Variants in HGF observed in about 807,000 individuals in gnomAD.
HGF encodes fibroblast-derived tumor cytotoxic factor.
In HGF, 39 loss-of-function variants were observed where a neutral mutation model predicts 111.6. The ratio of observed to expected loss-of-function variants is 0.35; its 90% confidence interval spans 0.27 to 0.46. The LOEUF is 0.46. Ranked by LOEUF, HGF falls within the 20% of genes least tolerant of loss-of-function variation. The pLI, the probability that HGF is intolerant of heterozygous loss-of-function variation, is 1.00. For missense variants in HGF, 735 were observed against 910.5 expected (o/e 0.81, Z 2.48); for synonymous variants, 285 against 294.8 (o/e 0.97, Z 0.34).
chr7:81,702,472 A>C lies in HGF; in HGVS notation c.*109T>G. 1 of 859,688 alleles carries C rather than the reference A, an allele frequency of 1.2e-6. No homozygotes were observed. The highest frequency in any genetic ancestry group is 1.5e-5 in the South Asian group (1 of 67,076). The allele number at this position is 859,688 out of a possible 1,614,324, so 53.3% of individuals were successfully genotyped here. A position where few individuals can be genotyped will look rare whatever the true frequency, so the allele number is the denominator to read the frequency against. On this transcript the variant is annotated 3_prime_UTR_variant, in exon 18 of 18. Coordinates refer to ENST00000222390, the MANE Select transcript of HGF (RefSeq NM_000601.6). ...AGAATTTCAACAAACATGACTCTCCAGTAGTTGTCTTAGGATTGTTGTAAG... is the reference window on the plus strand; with the variant it reads ...AGAATTTCAACAAACATGACTCTCCCGTAGTTGTCTTAGGATTGTTGTAAG...
chr7:81,708,018 AT>A (rs1252646764), intron 13 of HGF, among the ~76,000 whole-genome samples: 4 of 152,214 alleles, frequency 2.6e-5, no homozygotes, highest in South Asian at 4.2e-4. Flanking sequence ...GTACTAGTAC[AT>A]TTTTTTGATG....
intron 7 of HGF, among the ~76,000 whole-genome samples, chr7:81,734,825 A>T (rs539578751): frequency 3.0e-4 from 45 of 152,072 alleles, no homozygotes; most frequent in African/African-American, 7.2e-4. Context: ...TTTTCACCAA[A>T]CCCACCCTGC....
chr7:81,706,384 G>A lies in HGF; in HGVS notation c.1660C>T (p.His554Tyr), dbSNP rs1191327779. ...YEAWLGIHDV[H>Y]GRGDEKCKQV... is the part of the protein sequence containing the mutation. Reference sequence around the variant, plus strand: ...TTGCATTTCTCATCTCCTCTTCCGTGGACATCATGAATTCCAAGCCAAGCT... The same window carrying A: ...TTGCATTTCTCATCTCCTCTTCCGTAGACATCATGAATTCCAAGCCAAGCT... The change falls in exon 15 of 18, where the codon CAC becomes TAC. Residue 554 changes from histidine (H) to tyrosine (Y), a missense_variant. This residue lies in a region of HGF where 130 missense variants were observed against 129.9 expected (regional missense o/e 1.00). Coordinates refer to ENST00000222390, the MANE Select transcript of HGF (RefSeq NM_000601.6). 1 of 1,611,916 alleles carries A rather than the reference G, an allele frequency of 6.2e-7. No individual in the cohort carries two copies. Among genetic ancestry groups the A allele is most frequent in the South Asian group, 1.1e-5 (1 of 91,030 alleles).
rs759442724 is a variant in HGF at position 81,762,812 on chromosome 7, A to G, written c.149T>C (p.Leu50Pro). Residue 50 changes from leucine (L) to proline (P), a missense_variant, in exon 2 of 18, where the codon CTA becomes CCA. Around this residue, in one of 3 missense-constraint regions of HGF, gnomAD observed 553 missense variants for 685.6 expected, o/e 0.81. Coordinates refer to ENST00000222390, the MANE Select transcript of HGF (RefSeq NM_000601.6). ...CTTCAGTGCTGGATCTATTTTGATT[A>G]GGGTAGTCTTTGCTGATTTTTTGAA... ...HEFKKSAKTT[L>P]IKIDPALKIK... The G allele has an allele frequency of 6.2e-7, 1 of 1,601,684 alleles. No individual in the cohort carries two copies. The highest frequency in any genetic ancestry group is 1.1e-5 in the South Asian group (1 of 90,798).
rs926214806 is a variant in HGF at position 81,702,134 on chromosome 7, G to A, written c.*447C>T. 1.8e-5 allele frequency: 4 copies of A among 223,534 alleles called. No homozygotes were observed. Among genetic ancestry groups the A allele is most frequent in the African/African-American group, 6.8e-5 (3 of 44,182 alleles). The allele number at this position is 223,534 out of a possible 1,614,324, so 13.8% of individuals were successfully genotyped here. A position where few individuals can be genotyped will look rare whatever the true frequency, so the allele number is the denominator to read the frequency against. On this transcript the variant is annotated 3_prime_UTR_variant, in exon 18 of 18. Coordinates refer to ENST00000222390, the MANE Select transcript of HGF (RefSeq NM_000601.6). Reference sequence around the variant, plus strand: ...AACTATAACATATAGCATATGAAATGTAATATAATTTAATATAGGGCTACA... The same window carrying A: ...AACTATAACATATAGCATATGAAATATAATATAATTTAATATAGGGCTACA...
At chr7:81,726,215 C>T (rs986181945) in intron 8 of HGF, among the ~76,000 whole-genome samples, 198 bp from the exon 9 acceptor site, 6 of 152,112 alleles carry the variant, frequency 3.9e-5, no homozygotes, top group African/African-American at 1.2e-4. Flanking sequence ...TAAATGCTGT[C>T]ATATGTTAAT....
At chr7:81,703,283 C>G (rs1789335611) in intron 17 of HGF, among the ~76,000 whole-genome samples, 1 of 149,522 alleles carries the variant, frequency 6.7e-6, no homozygotes, top group African/African-American at 2.4e-5. Flanking sequence ...ATGATCTTAA[C>G]AAGTTAAATA....
Position 81,706,550 on chromosome 7 carries a change from A to G in HGF, c.1617-123T>C, listed in dbSNP as rs560618119. ...AACCTAAATTTAAAATTTGATTCAT[A>G]GTATAATAAAGAACAACACATTTGT... On this transcript the variant is annotated intron_variant, in intron 14 of 17. Coordinates refer to ENST00000222390, the MANE Select transcript of HGF (RefSeq NM_000601.6). 140 of 741,338 alleles carry G rather than the reference A, an allele frequency of 1.9e-4. 1 individual carries two copies. Among genetic ancestry groups the G allele is most frequent in the Admixed American group, 4.5e-4 (19 of 42,096 alleles). The allele number at this position is 741,338 out of a possible 1,614,324, so 45.9% of individuals were successfully genotyped here. A position where few individuals can be genotyped will look rare whatever the true frequency, so the allele number is the denominator to read the frequency against.
intron 6 of HGF, among the ~76,000 whole-genome samples, chr7:81,744,298 A>G (rs1447562413): frequency 1.1e-5 from 1 of 90,598 alleles, no homozygotes. Context: ...GCAAAAGTAG[A>G]CATGATTTTT....
At chr7:81,739,833 A>T (rs756883522) in intron 7 of HGF, among the ~76,000 whole-genome samples, 16 of 152,156 alleles carry the variant, frequency 1.1e-4, no homozygotes, top group Non-Finnish European at 2.2e-4. Flanking sequence ...ATCACAAATG[A>T]GGTAAGATCC....
intron 9 of HGF, 39 bp downstream of exon 9, chr7:81,725,851 A>C: frequency 6.2e-7 from 1 of 1,611,744 alleles, no homozygotes; most frequent in South Asian, 1.1e-5. Flanking sequence ...ATTTCCCCTG[A>C]ATTTAATCAT....
intron 4 of HGF, 173 bp downstream of exon 4, chr7:81,757,016 A>G (rs1376374218): frequency 3.2e-6 from 2 of 620,188 alleles, no homozygotes; most frequent in Non-Finnish European, 5.8e-6. Flanking sequence ...TAACATATTA[A>G]TTAATCATTT....
chr7:81,711,417 A>G, intron 12 of HGF, 64 bp downstream of exon 12: 1 of 840,080 alleles, frequency 1.2e-6, no homozygotes, highest in Non-Finnish European at 1.9e-6. Context: ...TGAAAGAAAT[A>G]ATGACACTTC....
At chr7:81,742,884 C>T in intron 7 of HGF, 2 of 1,610,662 alleles carry the variant, frequency 1.2e-6, no homozygotes, top group Non-Finnish European at 1.7e-6. Context: ...ACTCATTATT[C>T]TTCACTGCAG....
intron 13 of HGF, among the ~76,000 whole-genome samples, chr7:81,708,011 CT>C (rs1789472641): frequency 6.6e-6 from 1 of 152,018 alleles, no homozygotes; most frequent in Non-Finnish European, 1.5e-5. Flanking sequence ...ATGATGAGTA[CT>C]AGTACATTTT....
At position 81,740,234 on chromosome 7, in the gene HGF, A is replaced by G. The variant is rs1040306828; in HGVS notation, c.865+3119T>C. 2.6e-5 allele frequency among the ~76,000 whole-genome samples: 4 copies of G among 152,370 alleles called. No homozygotes were observed. The South Asian group carries it at 6.2e-4, about 24-fold the overall frequency. On this transcript the variant is annotated intron_variant, in intron 7 of 17. Transcript: ENST00000222390. The stretch of plus-strand genomic sequence containing the variant: ...CTAGAGAGTAAGTGACATAATCATT[A>G]TCTTTATTCTTTGTTTTGGAAACAT...
intron 2 of HGF, among the ~76,000 whole-genome samples, chr7:81,760,847 T>C (rs190099765): frequency 1.3e-3 from 203 of 152,202 alleles, no homozygotes; most frequent in African/African-American, 4.6e-3. Context: ...CAAAATATGG[T>C]AGGAAAGTAT....
In HGF at chr7:81,702,483, T is replaced by C. The variant is rs2115740975; in HGVS notation, c.*98A>G. 2.0e-6 allele frequency: 2 copies of C among 982,464 alleles called. No homozygotes were observed. Among genetic ancestry groups the C allele is most frequent in the South Asian group, 2.8e-5 (2 of 72,642 alleles). The allele number at this position is 982,464 out of a possible 1,614,324, so 60.9% of individuals were successfully genotyped here. On this transcript the variant is annotated 3_prime_UTR_variant, in exon 18 of 18. Coordinates refer to ENST00000222390, the MANE Select transcript of HGF (RefSeq NM_000601.6). The stretch of plus-strand genomic sequence containing the variant: ...AAACATGACTCTCCAGTAGTTGTCT[T>C]AGGATTGTTGTAAGTGACATTTTAA...
Position 81,705,384 on chromosome 7 carries a change from T to C in HGF, c.2010+6A>G, listed in dbSNP as rs745942461. 164 of 1,612,044 alleles carry C rather than the reference T, an allele frequency of 1.0e-4. No homozygotes were observed. In the East Asian group the frequency reaches 3.5e-3, roughly 34 times the overall value. On this transcript the variant is annotated splice_donor_region_variant and intron_variant, in intron 17 of 17. Transcript: ENST00000222390. ...CATACTCCTTATTAAAGAACTTCCTTTTTACCTCACATGGTCCTGATCCAA... is the reference window on the plus strand; with the variant it reads ...CATACTCCTTATTAAAGAACTTCCTCTTTACCTCACATGGTCCTGATCCAA...
Sources: gnomAD v4.1 joint callset for allele counts (sites outside exome capture counted in the v4.1 genomes callset) on GRCh38, gnomAD v4.1.1 for gene constraint, gnomAD v4.1.1 regional missense constraint, MANE v1.5 for transcripts, NCBI Gene and HGNC (gene_info 2026-07-23, HGNC 2026-07-21) for gene names.